Variants in PRKG1 observed in about 807,000 individuals in gnomAD.
PRKG1 encodes the protein cGMP-dependent protein kinase 1.
PRKG1 carries 35 observed loss-of-function variants against 88.1 expected under a neutral mutation model. The observed-to-expected ratio is 0.40, with a 90% confidence interval of 0.30 to 0.53. The LOEUF is 0.53. Among genes scored for constraint, PRKG1 ranks in the 20% least tolerant of loss-of-function variants. The probability of loss-of-function intolerance (pLI) is 0.59; values close to 1 mark genes in which losing one functional copy is unlikely to be tolerated. For missense variants in PRKG1, 540 were observed against 839.8 expected, an observed-to-expected ratio of 0.64 and a Z score of 4.41; for synonymous variants, 303 against 292.5, an observed-to-expected ratio of 1.04 and a Z score of -0.37.
At chr10:51,281,458 C>T (rs571344361) in intron 2 of PRKG1, among the ~76,000 whole-genome samples, 11 of 152,308 alleles carry the variant, frequency 7.2e-5, no homozygotes, top group South Asian at 6.2e-4. Flanking sequence ...CACAGAGCCT[C>T]GCTCATTGCT....
chr10:51,998,005 T>C (rs1408470230), intron 5 of PRKG1, among the ~76,000 whole-genome samples: 1 of 152,178 alleles, frequency 6.6e-6, no homozygotes, highest in African/African-American at 2.4e-5. Flanking sequence ...TGTTTGACCA[T>C]AAAAACATTA....
At chr10:51,983,223 G>A (rs779616773) in intron 5 of PRKG1, among the ~76,000 whole-genome samples, 3 of 152,118 alleles carry the variant, frequency 2.0e-5, no homozygotes, top group Non-Finnish European at 4.4e-5. Flanking sequence ...GTCCAATAGG[G>A]GATCAGGGCA....
chr10:51,218,351 T>TAC (rs2132085504), intron 2 of PRKG1, among the ~76,000 whole-genome samples: 1 of 151,856 alleles, frequency 6.6e-6, no homozygotes, highest in East Asian at 1.9e-4. Flanking sequence ...CTGTGGTTCA[T>TAC]ACACTATCCT....
At chr10:51,409,276 A>G (rs1053448825) in intron 2 of PRKG1, among the ~76,000 whole-genome samples, 2 of 152,208 alleles carry the variant, frequency 1.3e-5, no homozygotes, top group African/African-American at 2.4e-5. Context: ...CCATGAGGCC[A>G]TCGATGCAGG....
chr10:51,867,267 C>T (rs766952375), intron 4 of PRKG1, among the ~76,000 whole-genome samples: 4 of 151,994 alleles, frequency 2.6e-5, no homozygotes, highest in African/African-American at 7.2e-5. Context: ...AGGGAAGTAG[C>T]GGAATAGTGC....
At chr10:51,025,978 T>C (rs1367386755) in intron 1 of PRKG1, among the ~76,000 whole-genome samples, 1 of 152,152 alleles carries the variant, frequency 6.6e-6, no homozygotes, top group Non-Finnish European at 1.5e-5. Flanking sequence ...CCTAATCTAA[T>C]ATGACTGATG....
intron 7 of PRKG1, among the ~76,000 whole-genome samples, chr10:52,127,876 G>A (rs1038148358): frequency 2.0e-5 from 3 of 152,168 alleles, no homozygotes; most frequent in African/African-American, 4.8e-5. Context: ...AGTGGAATTA[G>A]TGATTGACCT....
intron 1 of PRKG1, among the ~76,000 whole-genome samples, chr10:51,036,838 A>C (rs986610936): frequency 1.4e-4 from 22 of 152,194 alleles, no homozygotes; most frequent in African/African-American, 5.3e-4. Flanking sequence ...AGTGCCTTCT[A>C]TATGCCAGGG....
At chr10:52,035,634 T>G (rs915108010) in intron 5 of PRKG1, among the ~76,000 whole-genome samples, 4 of 151,954 alleles carry the variant, frequency 2.6e-5, no homozygotes, top group Non-Finnish European at 4.4e-5. Context: ...AGGAATAACG[T>G]GGGAGGCCGG....
intron 3 of PRKG1, among the ~76,000 whole-genome samples, chr10:51,645,826 G>GA (rs557916171): frequency 3.3e-5 from 5 of 152,030 alleles, no homozygotes; most frequent in African/African-American, 1.2e-4. Context: ...TAAAGGCTCA[G>GA]AAAAAAATGT....
chr10:51,159,399 A>C (rs1846305631), intron 2 of PRKG1, among the ~76,000 whole-genome samples: 1 of 152,114 alleles, frequency 6.6e-6, no homozygotes, highest in African/African-American at 2.4e-5. Context: ...GTTAATCCAA[A>C]AGCTATCTTT....
intron 2 of PRKG1, among the ~76,000 whole-genome samples, chr10:51,347,199 C>T (rs1842132539): frequency 6.6e-6 from 1 of 151,590 alleles, no homozygotes; most frequent in Admixed American, 6.6e-5. Flanking sequence ...AGAAGAATGC[C>T]AACACACTGA....
intron 3 of PRKG1, among the ~76,000 whole-genome samples, chr10:51,630,765 G>A (rs774686450): frequency 6.6e-6 from 1 of 152,102 alleles, no homozygotes. Flanking sequence ...GCTATCTTTC[G>A]AACTGCAGCC....
chr10:52,222,212 C>T (rs1840262972), intron 9 of PRKG1, among the ~76,000 whole-genome samples: 1 of 152,112 alleles, frequency 6.6e-6, no homozygotes, highest in Non-Finnish European at 1.5e-5. Flanking sequence ...CAGAGTAGTT[C>T]ACCCATGGGA....
chr10:51,016,673 C>CTTTTTTTTTTTTTTTT (rs71029341), intron 1 of PRKG1, among the ~76,000 whole-genome samples: 1,537 of 35,086 alleles, frequency 0.044, 504 homozygotes, highest in Non-Finnish European at 0.052. Context: ...ATTATCCTTT[C>CTTTTTTTTTTTTTTTT]TTTTTTTTTT....
intron 1 of PRKG1, among the ~76,000 whole-genome samples, chr10:51,081,326 G>A (rs1844105272): frequency 6.6e-6 from 1 of 152,250 alleles, no homozygotes. Context: ...TTGGAAAATA[G>A]TGATAGGCTT....
At chr10:51,334,770 AGAG>A (rs1841831212) in intron 2 of PRKG1, among the ~76,000 whole-genome samples, 2 of 152,154 alleles carry the variant, frequency 1.3e-5, no homozygotes. Flanking sequence ...CAGAAACAAT[AGAG>A]GAGTTAAAGA....
At chr10:51,817,381 A>T (rs1839620557) in intron 4 of PRKG1, among the ~76,000 whole-genome samples, 1 of 122,292 alleles carries the variant, frequency 8.2e-6, no homozygotes, top group Non-Finnish European at 1.7e-5. Flanking sequence ...CTGGTGTGTG[A>T]AGTTCCCCTC....
At chr10:52,085,948 T>G (rs1414117677) in intron 7 of PRKG1, among the ~76,000 whole-genome samples, 1 of 152,118 alleles carries the variant, frequency 6.6e-6, no homozygotes, top group Admixed American at 6.6e-5. Flanking sequence ...TCATTTGCAG[T>G]TTTTTCCCTT....
Sources: gnomAD v4.1 joint callset for allele counts (sites outside exome capture counted in the v4.1 genomes callset) on GRCh38, gnomAD v4.1.1 for gene constraint, MANE v1.5 for transcripts, NCBI Gene and HGNC (gene_info 2026-07-23, HGNC 2026-07-21) for gene names.